The following OXNAD1 variants were observed in gnomAD, a reference collection of about 807,000 sequenced individuals.
OXNAD1 encodes oxidoreductase NAD-binding domain-containing protein 1.
A neutral mutation model predicts 32.9 loss-of-function variants in OXNAD1; 34 were observed. The observed-to-expected ratio is 1.03, with a 90% CI of 0.79 to 1.38. The LOEUF is 1.38. Among genes scored for constraint, OXNAD1 ranks in the 40% most tolerant of loss-of-function variants. The pLI is 0.00. For synonymous variants in OXNAD1, 134 were observed against 135.2 expected (o/e 0.99, Z 0.06); for missense variants, 407 against 379.4 (o/e 1.07, Z -0.60).
At position 16,297,188 on chromosome 3, in the gene OXNAD1, A is replaced by T. The variant is rs1297434234; in HGVS notation, c.432+2191A>T. 6.6e-6 allele frequency among the ~76,000 whole-genome samples: 1 copy of T among 152,202 alleles called. No homozygotes were observed. Among genetic ancestry groups the T allele is most frequent in the Non-Finnish European group, 1.5e-5 (1 of 68,030 alleles). On this transcript the variant is annotated intron_variant, in intron 6 of 8. Transcript: ENST00000285083. The surrounding 1 kb of genome is among the most constrained non-coding windows in gnomAD (Gnocchi z 4.3). ...TTTAAATGGACAAAGGATTGAACAG[A>T]CACTTCAGTAAAAAAGGATATGATG...
chr3:16,338,247 C>G (rs1026764043), downstream of OXNAD1, among the ~76,000 whole-genome samples: 1 of 152,238 alleles, frequency 6.6e-6, no homozygotes, highest in Non-Finnish European at 1.5e-5. This position sits in a 1 kb window ranked among gnomAD's most constrained non-coding sequence, Gnocchi z 5.3. Flanking sequence ...TCTGCCCACA[C>G]ACACCTGCAT....
rs1254025022 is a variant in OXNAD1 at position 16,334,066 on chromosome 3, G to A, written c.*31-3046G>A. On this transcript the variant is annotated intron_variant, in intron 9 of 9. Coordinates refer to the OXNAD1 transcript ENST00000435829. The surrounding 1 kb of genome is among the most constrained non-coding windows in gnomAD (Gnocchi z 4.3). ...TGTAGTCCCAGCTACTTGGGAGGCT[G>A]AGGCAGGAGAATGGCTTGAACCTAG... is the stretch of plus-strand genomic sequence containing the variant. Among the ~76,000 whole-genome samples the A allele has an allele frequency of 6.6e-6, 1 of 152,230 alleles. No individual in the cohort carries two copies. Among genetic ancestry groups the A allele is most frequent in the African/African-American group, 2.4e-5 (1 of 41,456 alleles).
rs2069799730 is a variant in OXNAD1, at chr3:16,327,265, G to A, written c.*31-9847G>A. ...TCTGAATGAGTTCAGAGCGTGTTGT[G>A]GGGAGTTAACTTACATTTGACAAAT... On this transcript the variant is annotated intron_variant, in intron 9 of 9. Transcript: ENST00000435829. This position sits in a 1 kb window ranked among gnomAD's most constrained non-coding sequence, Gnocchi z 4.2. Among the ~76,000 whole-genome samples, 1 of 152,144 alleles carries A rather than the reference G, an allele frequency of 6.6e-6. No individual in the cohort carries two copies. The highest frequency in any genetic ancestry group is 2.1e-4 in the South Asian group (1 of 4,810).
rs1239712076 is a variant in OXNAD1 at position 16,271,353 on chromosome 3, A to C, written c.119+282A>C. On this transcript the variant is annotated intron_variant, in intron 3 of 8. Coordinates refer to ENST00000285083, the MANE Select transcript of OXNAD1 (RefSeq NM_138381.5). This position sits in a 1 kb window ranked among gnomAD's most constrained non-coding sequence, Gnocchi z 4.6. ...CGAGTAGCTGGGATTACAGGCGTGC[A>C]CCACCACACCTAGCTAATTTTTGTA... Among the ~76,000 whole-genome samples the C allele has an allele frequency of 6.6e-6, 1 of 152,062 alleles. No homozygotes were observed. The highest frequency in any genetic ancestry group is 1.5e-5 in the Non-Finnish European group (1 of 68,008).
downstream of OXNAD1, among the ~76,000 whole-genome samples, chr3:16,340,326 G>T (rs981025129): frequency 7.2e-5 from 11 of 152,222 alleles, no homozygotes; most frequent in African/African-American, 2.4e-4. Context: ...GAATCCTGTG[G>T]CTGCCATCCT....
At position 16,312,257 on chromosome 3, in the gene OXNAD1, C is replaced by G. The variant is rs191359742; in HGVS notation, c.*30+8665C>G. On this transcript the variant is annotated intron_variant, in intron 9 of 9. Transcript: ENST00000435829. This position sits in a 1 kb window ranked among gnomAD's most constrained non-coding sequence, Gnocchi z 4.7. ...TGTCCACACACTTCCCTGTTCAAAA[C>G]TCTAGGAGCCAGGTACAGGAAACCC... is the stretch of plus-strand genomic sequence containing the variant. Among the ~76,000 whole-genome samples the G allele has an allele frequency of 2.0e-5, 3 of 152,314 alleles. No homozygotes were observed. The East Asian group carries it at 5.8e-4, about 29-fold the overall frequency.
chr3:16,302,213 C>A lies in OXNAD1; in HGVS notation c.675+345C>A, dbSNP rs1474252988. The stretch of plus-strand genomic sequence containing the variant: ...TAGGTAAGACTTAGACAGTTTGGAC[C>A]CAGCTGGGTAAATGAAACCCCTGTC... On this transcript the variant is annotated intron_variant, in intron 7 of 8. Coordinates refer to ENST00000285083, the MANE Select transcript of OXNAD1 (RefSeq NM_138381.5). The surrounding 1 kb of genome is among the most constrained non-coding windows in gnomAD (Gnocchi z 4.2). Among the ~76,000 whole-genome samples, 1 of 152,118 alleles carries A rather than the reference C, an allele frequency of 6.6e-6. No individual in the cohort carries two copies. The highest frequency in any genetic ancestry group is 1.5e-5 in the Non-Finnish European group (1 of 68,032).
At position 16,345,640 on chromosome 3, in the gene OXNAD1, A is replaced by G. The variant is rs2125302248; in HGVS notation, c.*31-3536A>G. ...TTGCTCCTGGTTCTCAGGGCTTGGG[A>G]CCTGGACTGGAGTCCACACCATCAG... On this transcript the variant is annotated intron_variant, in intron 9 of 9. Coordinates refer to the OXNAD1 transcript ENST00000606098. The surrounding 1 kb of genome is among the most constrained non-coding windows in gnomAD (Gnocchi z 5.2). Among the ~76,000 whole-genome samples the G allele has an allele frequency of 6.6e-6, 1 of 152,138 alleles. No homozygotes were observed. The highest frequency in any genetic ancestry group is 1.9e-4 in the East Asian group (1 of 5,168).
In OXNAD1 at chr3:16,302,747, G is replaced by A. The variant is rs1575153518; in HGVS notation, c.783G>A (p.Thr261=). ...QINAELKPYI[T]EGRITEKEIR... is the part of the protein sequence containing the mutation. ...ATGCGGAACTCAAGCCATACATCACGGGTGAGTCCCCTAAAGATATTTTGA... is the reference window on the plus strand; with the variant it reads ...ATGCGGAACTCAAGCCATACATCACAGGTGAGTCCCCTAAAGATATTTTGA... The change falls in exon 8 of 9, where the codon ACG becomes ACA. Residue 261 remains threonine (T), a splice_region_variant and synonymous_variant. Transcript: ENST00000285083. This position sits in a 1 kb window ranked among gnomAD's most constrained non-coding sequence, Gnocchi z 4.2. 1.2e-6 allele frequency: 2 copies of A among 1,603,362 alleles called. No homozygotes were observed. Among genetic ancestry groups the A allele is most frequent in the South Asian group, 1.1e-5 (1 of 90,612 alleles).
At position 16,289,797 on chromosome 3, in the gene OXNAD1, A is replaced by G. The variant is rs1227927491; in HGVS notation, c.290+3349A>G. Among the ~76,000 whole-genome samples the G allele has an allele frequency of 6.6e-6, 1 of 152,212 alleles. No homozygotes were observed. Among genetic ancestry groups the G allele is most frequent in the East Asian group, 1.9e-4 (1 of 5,198 alleles). On this transcript the variant is annotated intron_variant, in intron 5 of 8. Coordinates refer to ENST00000285083, the MANE Select transcript of OXNAD1 (RefSeq NM_138381.5). This position sits in a 1 kb window ranked among gnomAD's most constrained non-coding sequence, Gnocchi z 4.9. ...CTTTCTTAATTCCTGTACTCCTGGT[A>G]GAATTGACTCCTCCTTCCTCTGCCT...
At chr3:16,323,078 G>A (rs575388179) in intron 9 of OXNAD1, among the ~76,000 whole-genome samples, 15 of 152,268 alleles carry the variant, frequency 9.9e-5, no homozygotes, top group Middle Eastern at 3.4e-3. Context: ...AGCTGACTTC[G>A]TGCCCTTCTT....
At chr3:16,323,917 C>T (rs940035203) in intron 9 of OXNAD1, among the ~76,000 whole-genome samples, 2 of 152,174 alleles carry the variant, frequency 1.3e-5, no homozygotes, top group Admixed American at 6.5e-5. Context: ...ATGCATGGCT[C>T]CTGCAGGCAC....
chr3:16,286,593 T>C, intron 5 of OXNAD1, 145 bp downstream of exon 5: 1 of 700,442 alleles, frequency 1.4e-6, no homozygotes, highest in Non-Finnish European at 2.4e-6. Flanking sequence ...GAGCCTTTGT[T>C]GGCACAGAGG....
chr3:16,331,328 A>T (rs73818376), intron 9 of OXNAD1, among the ~76,000 whole-genome samples: 42 of 152,358 alleles, frequency 2.8e-4, no homozygotes, highest in African/African-American at 1.0e-3. Flanking sequence ...ACCATGGGAA[A>T]TAAAGGTTTA....
At chr3:16,338,878 G>C (rs1256893733), downstream of OXNAD1, among the ~76,000 whole-genome samples, 4 of 152,172 alleles carry the variant, frequency 2.6e-5, no homozygotes, top group Non-Finnish European at 4.4e-5. This position sits in a 1 kb window ranked among gnomAD's most constrained non-coding sequence, Gnocchi z 5.3. Context: ...CTGTCTGCAG[G>C]AATTCTAGAA....
chr3:16,328,204 G>A (rs907680481), intron 9 of OXNAD1, among the ~76,000 whole-genome samples: 8 of 152,262 alleles, frequency 5.3e-5, no homozygotes, highest in African/African-American at 1.7e-4. Context: ...AGAGGTGGGA[G>A]AGATCCCAGC....
At chr3:16,350,485 TG>T (rs2072023686), downstream of OXNAD1, among the ~76,000 whole-genome samples, 1 of 140,210 alleles carries the variant, frequency 7.1e-6, no homozygotes, top group African/African-American at 2.7e-5. Context: ...CAAGCTGAGA[TG>T]AATCACTTTT....
chr3:16,342,251 C>T (rs1245723715), downstream of OXNAD1, among the ~76,000 whole-genome samples: 1 of 152,102 alleles, frequency 6.6e-6, no homozygotes, highest in African/African-American at 2.4e-5. This position sits in a 1 kb window ranked among gnomAD's most constrained non-coding sequence, Gnocchi z 4.0. Context: ...TGTCTCTATG[C>T]ACTTGCCTCA....
intron 4 of OXNAD1, among the ~76,000 whole-genome samples, chr3:16,272,836 G>T (rs1268950161): frequency 6.6e-6 from 1 of 151,406 alleles, no homozygotes; most frequent in African/African-American, 2.4e-5. Context: ...TAAAATGAAG[G>T]CCTTGCAAAT....
Sources: gnomAD v4.1 joint callset for allele counts (sites outside exome capture counted in the v4.1 genomes callset) on GRCh38, gnomAD v4.1.1 for gene constraint, Gnocchi (gnomAD v3.1) non-coding constraint, MANE v1.5 for transcripts, NCBI Gene and HGNC (gene_info 2026-07-23, HGNC 2026-07-21) for gene names.